Variants in ARRDC5 observed in about 807,000 individuals in gnomAD.
ARRDC5 encodes arrestin domain containing 5, also known as arrestin domain-containing protein 5.
Under a neutral mutation model 13.3 loss-of-function variants are expected in ARRDC5, and 12 were observed. The ratio of observed to expected loss-of-function variants is 0.90; its 90% CI spans 0.58 to 1.46. The LOEUF (loss-of-function observed/expected upper bound fraction) is 1.46, where lower values mean the gene tolerates loss of function less well. Among genes scored for constraint, ARRDC5 ranks in the 40% most tolerant of loss-of-function variants. The pLI, the probability that ARRDC5 is intolerant of heterozygous loss-of-function variation, is 0.00. For synonymous variants in ARRDC5, 181 were observed against 173.4 expected (o/e 1.04, Z -0.34); for missense variants, 406 against 418.7 (o/e 0.97, Z 0.26).
At chr19:4,910,853 GT>G in the ARRDC5 span, 5 of 1,583,492 alleles carry the variant, frequency 3.2e-6, no homozygotes, top group South Asian at 2.3e-5. Flanking sequence ...ACTGATGGGG[GT>G]TTTTGCTGTC....
At chr19:4,911,746 A>T in the ARRDC5 span, among the ~76,000 whole-genome samples, 1 of 151,970 alleles carries the variant, frequency 6.6e-6, no homozygotes, top group African/African-American at 2.4e-5. Flanking sequence ...TGGAGGTGCT[A>T]CTTTGGTTGG....
At chr19:4,915,300 C>T in the ARRDC5 span, among the ~76,000 whole-genome samples, 1 of 152,220 alleles carries the variant, frequency 6.6e-6, no homozygotes, top group African/African-American at 2.4e-5. Context: ...CAGGATGGCT[C>T]CCTGGTAGAG....
chr19:4,912,991 T>G, the ARRDC5 span, among the ~76,000 whole-genome samples: 1 of 152,142 alleles, frequency 6.6e-6, no homozygotes, highest in South Asian at 2.1e-4. Context: ...TGGGCTCAAG[T>G]GACCCTCCTG....
chr19:4,904,597 A>T (rs1328265147), upstream of ARRDC5, among the ~76,000 whole-genome samples: 1 of 152,108 alleles, frequency 6.6e-6, no homozygotes, highest in Non-Finnish European at 1.5e-5. Context: ...GATTACAGGC[A>T]TGAGCTACCA....
intron 1 of ARRDC5, among the ~76,000 whole-genome samples, chr19:4,899,578 G>T (rs2031844892): frequency 6.6e-6 from 1 of 151,494 alleles, no homozygotes; most frequent in African/African-American, 2.4e-5. Flanking sequence ...GTTGCAGTGA[G>T]CTGAGATCAC....
At chr19:4,900,647 A>G (rs2031884894) in intron 1 of ARRDC5, among the ~76,000 whole-genome samples, 2 of 152,146 alleles carry the variant, frequency 1.3e-5, no homozygotes, top group Admixed American at 6.6e-5. Context: ...AGTCCCTCCT[A>G]TCACTCAGTT....
the ARRDC5 span, among the ~76,000 whole-genome samples, chr19:4,911,601 G>A: frequency 6.6e-6 from 1 of 152,184 alleles, no homozygotes; most frequent in Admixed American, 6.6e-5. Flanking sequence ...GACCTGGGGC[G>A]TGTGGTCCCC....
chr19:4,894,154 A>G (rs1440059345), intron 2 of ARRDC5, among the ~76,000 whole-genome samples: 1 of 151,898 alleles, frequency 6.6e-6, no homozygotes, highest in Non-Finnish European at 1.5e-5. Flanking sequence ...ATGCGGGTGG[A>G]TCACGAGGTC....
the ARRDC5 span, among the ~76,000 whole-genome samples, chr19:4,914,400 T>G: frequency 6.6e-6 from 1 of 152,114 alleles, no homozygotes; most frequent in African/African-American, 2.4e-5. Context: ...TCACAGTCTT[T>G]TTTTTTCCCT....
At chr19:4,909,912 GCC>G in the ARRDC5 span, among the ~76,000 whole-genome samples, 1 of 151,344 alleles carries the variant, frequency 6.6e-6, no homozygotes, top group African/African-American at 2.4e-5. Flanking sequence ...CTGGCGAGCC[GCC>G]GGGGAGGATG....
the ARRDC5 span, among the ~76,000 whole-genome samples, chr19:4,916,740 C>T: frequency 1.1e-4 from 17 of 152,332 alleles, no homozygotes; most frequent in African/African-American, 2.2e-4. Context: ...CTGTCTTGCC[C>T]GCACCTGAGG....
chr19:4,896,980 A>G (rs966670066), intron 1 of ARRDC5, 104 bp from the exon 2 acceptor site: 22 of 774,816 alleles, frequency 2.8e-5, no homozygotes, highest in Non-Finnish European at 4.2e-5. Flanking sequence ...TTTTTGAGAC[A>G]CGGTCTCACT....
the ARRDC5 span, among the ~76,000 whole-genome samples, chr19:4,915,501 G>C: frequency 6.6e-6 from 1 of 152,164 alleles, no homozygotes; most frequent in Non-Finnish European, 1.5e-5. Context: ...ATCACCTGAG[G>C]TCAGGAGTTC....
the ARRDC5 span, among the ~76,000 whole-genome samples, chr19:4,912,011 T>C: frequency 6.6e-6 from 1 of 152,168 alleles, no homozygotes; most frequent in Admixed American, 6.5e-5. Flanking sequence ...CCAGGGGTTT[T>C]TGGGGGCTGG....
intron 2 of ARRDC5, among the ~76,000 whole-genome samples, chr19:4,892,983 A>G (rs1001747761): frequency 1.3e-5 from 2 of 150,736 alleles, no homozygotes; most frequent in Non-Finnish European, 2.9e-5. Context: ...GGCGTCGGCA[A>G]TCCCAGCTAC....
At chr19:4,910,759 C>G in the ARRDC5 span, 1 of 1,294,608 alleles carries the variant, frequency 7.7e-7, no homozygotes. Context: ...GGAAGGGCAT[C>G]CTGGGAGTTT....
At chr19:4,913,587 C>T in the ARRDC5 span, among the ~76,000 whole-genome samples, 12 of 152,014 alleles carry the variant, frequency 7.9e-5, no homozygotes, top group South Asian at 2.1e-4. Context: ...TCAGGATGTC[C>T]GCAGTGATGA....
chr19:4,903,034 T>TCACTGG (rs1555742282), upstream of ARRDC5: 147 of 599,234 alleles, frequency 2.5e-4, no homozygotes, highest in Middle Eastern at 4.7e-4. Context: ...TGGTTCTTTT[T>TCACTGG]TTTTTTTTTT....
the ARRDC5 span, among the ~76,000 whole-genome samples, chr19:4,908,883 C>T: frequency 1.3e-5 from 2 of 152,114 alleles, no homozygotes; most frequent in Non-Finnish European, 2.9e-5. Flanking sequence ...CTCCTGTGCC[C>T]GCCAGGACTG....
Sources: gnomAD v4.1 joint callset for allele counts (sites outside exome capture counted in the v4.1 genomes callset) on GRCh38, gnomAD v4.1.1 for gene constraint, MANE v1.5 for transcripts, NCBI Gene and HGNC (gene_info 2026-07-23, HGNC 2026-07-21) for gene names.